The following ZWILCH variants were observed in gnomAD, a reference collection of about 807,000 sequenced individuals.
ZWILCH encodes protein zwilch homolog.
Under a neutral mutation model 79.9 loss-of-function variants are expected in ZWILCH, and 74 were observed. That is an observed-to-expected ratio of 0.93 (90% confidence interval 0.77 to 1.12). The LOEUF (loss-of-function observed/expected upper bound fraction) is 1.12. Among genes scored for constraint, ZWILCH ranks in the 50% most tolerant of loss-of-function variants. The pLI is 0.00. For missense variants in ZWILCH, 694 were observed against 687.5 expected, an observed-to-expected ratio of 1.01 and a Z score of -0.11; for synonymous variants, 241 against 228.2, an observed-to-expected ratio of 1.06 and a Z score of -0.51.
intron 7 of ZWILCH, among the ~76,000 whole-genome samples, chr15:66,522,721 A>T (rs1207371411): frequency 6.6e-6 from 1 of 152,244 alleles, no homozygotes; most frequent in Non-Finnish European, 1.5e-5. Context: ...GAAAAAGTAT[A>T]AATTATTTAT....
intron 14 of ZWILCH, among the ~76,000 whole-genome samples, chr15:66,535,370 T>G (rs1894979533): frequency 6.6e-6 from 1 of 152,198 alleles, no homozygotes; most frequent in Admixed American, 6.5e-5. Context: ...TTCAGTTCTA[T>G]TGTGATCTTA....
At chr15:66,512,916 C>T (rs1316221290) in intron 2 of ZWILCH, among the ~76,000 whole-genome samples, 5 of 152,222 alleles carry the variant, frequency 3.3e-5, no homozygotes, top group African/African-American at 9.6e-5. Flanking sequence ...GCCCCAGCCT[C>T]CTGAGTAGCT....
rs1435257961 is a variant in ZWILCH, at chr15:66,532,311, A to T, written c.1220A>T (p.Asp407Val). ...LIHQSYHGTM[D>V]TVSLSGTIPV... ...CATCAGTCTTATCATGGAACCATGG[A>T]CACAGTTTCTCTCAGTGGGACTATT... The change falls in exon 13 of 19, where the codon GAC (aspartate) becomes GTC (valine). Residue 407 changes from aspartate (D) to valine (V), a missense_variant. Asp to Val is a radical substitution (Grantham distance 152). Transcript: ENST00000307897. 1.9e-6 allele frequency: 3 copies of T among 1,612,618 alleles called. No individual in the cohort carries two copies. Among genetic ancestry groups the T allele is most frequent in the Non-Finnish European group, 2.5e-6 (3 of 1,179,422 alleles).
intron 17 of ZWILCH, among the ~76,000 whole-genome samples, chr15:66,543,395 G>T (rs1895255227): frequency 6.6e-6 from 1 of 152,186 alleles, no homozygotes; most frequent in Admixed American, 6.5e-5. Context: ...ATGTGGAATG[G>T]TGATTGCAGA....
intron 16 of ZWILCH, among the ~76,000 whole-genome samples, chr15:66,539,712 C>G (rs1029344999): frequency 6.6e-6 from 1 of 152,166 alleles, no homozygotes; most frequent in Admixed American, 6.5e-5. Flanking sequence ...TCTTAACCCT[C>G]GGTGCATACT....
Position 66,548,737 on chromosome 15 carries a change from T to C in ZWILCH, c.*413T>C. On this transcript the variant is annotated 3_prime_UTR_variant, in exon 19 of 19. Coordinates refer to ENST00000307897, the MANE Select transcript of ZWILCH (RefSeq NM_017975.5). ...CATCCTCAAATTTTCTGATTCTTATTTGCCATGAAATAGAACTTAGTAAAT... is the reference window on the plus strand; with the variant it reads ...CATCCTCAAATTTTCTGATTCTTATCTGCCATGAAATAGAACTTAGTAAAT... The C allele has an allele frequency of 3.9e-6, 2 of 507,944 alleles. No individual in the cohort carries two copies. The highest frequency in any genetic ancestry group is 3.6e-6 in the Non-Finnish European group (1 of 280,094). 31.5% of individuals were successfully genotyped at this position (507,944 alleles called of 1,614,324 possible). A position where few individuals can be genotyped will look rare whatever the true frequency, so the allele number is the denominator to read the frequency against.
intron 16 of ZWILCH, among the ~76,000 whole-genome samples, chr15:66,539,833 C>G (rs996686208): frequency 1.3e-5 from 2 of 152,132 alleles, no homozygotes; most frequent in African/African-American, 4.8e-5. Flanking sequence ...TCTGCTATCC[C>G]CAATCCGAGT....
intron 13 of ZWILCH, 81 bp from the exon 14 acceptor site, chr15:66,532,904 T>C (rs1330435979): frequency 1.0e-6 from 1 of 958,684 alleles, no homozygotes; most frequent in Admixed American, 3.5e-5. Flanking sequence ...AGAATTTAAA[T>C]AGAAATTTAA....
Position 66,505,369 on chromosome 15 carries a change from G to A in ZWILCH, c.31G>A (p.Asp11Asn), listed in dbSNP as rs1480435947. Residue 11 changes from aspartate to asparagine, a missense_variant, in exon 1 of 19, where the codon GAC becomes AAC. By Grantham distance (23) the Asp-to-Asn change is conservative. Coordinates refer to ENST00000307897, the MANE Select transcript of ZWILCH (RefSeq NM_017975.5). ...GGAGCGGCTGAACTGCGCAGCAGAG[G>A]ACTTTTATTCTCGTCTCCTTCAGTG... The part of the protein sequence containing the change: MWERLNCAAE[D>N]FYSRLLQKFN... The A allele has an allele frequency of 1.9e-6, 3 of 1,614,014 alleles. No individual in the cohort carries two copies. Among genetic ancestry groups the A allele is most frequent in the African/African-American group, 1.3e-5 (1 of 74,944 alleles).
chr15:66,521,202 T>C lies in ZWILCH; in HGVS notation c.744T>C (p.Thr248=), dbSNP rs753956809. 5 of 1,610,422 alleles carry C rather than the reference T, an allele frequency of 3.1e-6. No homozygotes were observed. The South Asian group carries it at 5.5e-5, about 18-fold the overall frequency. The change falls in exon 7 of 19, where the codon ACT becomes ACC. Residue 248 remains threonine, a synonymous_variant. Transcript: ENST00000307897. ...TCCCTCCACTCTCTTCAACTGCAAC[T>C]CTGGTAAGAGTGGGCCCTATTTCCT... ...LQIPPLSSTA[T]LNIKVESGEP...
Position 66,540,116 on chromosome 15 carries a change from G to A in ZWILCH, c.1593G>A (p.Trp531Ter), listed in dbSNP as rs1294300632. Reference protein sequence around the residue: ...NLYQSEKPQKWRVEIYSGQKK... With the variant: ...NLYQSEKPQK Reference sequence around the variant, plus strand: ...TCCTTAGTGAGAAGCCACAGAAATGGAGAGTGGAAATATATAGTGGTCAAA... The same window carrying A: ...TCCTTAGTGAGAAGCCACAGAAATGAAGAGTGGAAATATATAGTGGTCAAA... Residue 531 changes from tryptophan to a stop codon, truncating the protein, a stop_gained, in exon 17 of 19, where the codon TGG becomes TGA. Coordinates refer to ENST00000307897, the MANE Select transcript of ZWILCH (RefSeq NM_017975.5). LOFTEE classifies it high-confidence loss of function. 1.9e-6 allele frequency: 3 copies of A among 1,610,900 alleles called. No homozygotes were observed. Among genetic ancestry groups the A allele is most frequent in the South Asian group, 2.2e-5 (2 of 90,760 alleles).
intron 2 of ZWILCH, among the ~76,000 whole-genome samples, chr15:66,512,572 T>C (rs1207782311): frequency 6.6e-6 from 1 of 151,974 alleles, no homozygotes; most frequent in Admixed American, 6.6e-5. Context: ...AACAGAGTTA[T>C]ATGCTTGGAA....
At chr15:66,506,984 G>A (rs1048705801) in intron 1 of ZWILCH, among the ~76,000 whole-genome samples, 1 of 151,760 alleles carries the variant, frequency 6.6e-6, no homozygotes, top group African/African-American at 2.4e-5. Context: ...AGCCTCCCGA[G>A]TAGCTGGGAC....
chr15:66,516,496 A>C (rs571832411), intron 4 of ZWILCH, among the ~76,000 whole-genome samples: 4 of 151,986 alleles, frequency 2.6e-5, no homozygotes, highest in African/African-American at 7.2e-5. Flanking sequence ...GCTCTATAGA[A>C]GTTTTTTTTT....
intron 1 of ZWILCH, chr15:66,505,655 G>A (rs1893785486): frequency 2.0e-6 from 1 of 505,408 alleles, no homozygotes; most frequent in Non-Finnish European, 3.5e-6. Flanking sequence ...TATTCTTTCT[G>A]CTGATGGACA....
chr15:66,528,855 T>G lies in ZWILCH; in HGVS notation c.973T>G (p.Leu325Val). The G allele has an allele frequency of 6.2e-7, 1 of 1,613,672 alleles. No individual in the cohort carries two copies. The highest frequency in any genetic ancestry group is 8.5e-7 in the Non-Finnish European group (1 of 1,179,676). The part of the protein sequence containing the change: ...STKKDTEVET[L>V]KHDTAAVDRS... ...CTGAAGGTTGCTTCTTTTTCAGACCTTGAAGCATGACACTGCTGCAGTCGA... is the reference window on the plus strand; with the variant it reads ...CTGAAGGTTGCTTCTTTTTCAGACCGTGAAGCATGACACTGCTGCAGTCGA... Residue 325 changes from leucine to valine, a missense_variant, in exon 11 of 19, where the codon TTG (leucine) becomes GTG (valine). Physicochemically the swap from Leu to Val is conservative, Grantham distance 32 (BLOSUM62 1). Coordinates refer to ENST00000307897, the MANE Select transcript of ZWILCH (RefSeq NM_017975.5).
intron 17 of ZWILCH, among the ~76,000 whole-genome samples, chr15:66,541,013 C>G (rs113571757): frequency 6.6e-6 from 1 of 150,562 alleles, no homozygotes; most frequent in Non-Finnish European, 1.5e-5. Flanking sequence ...CCCGGTGGTT[C>G]GAGCCTGTAA....
intron 8 of ZWILCH, among the ~76,000 whole-genome samples, chr15:66,525,267 A>G (rs530679173): frequency 6.6e-6 from 1 of 152,314 alleles, no homozygotes; most frequent in East Asian, 1.9e-4. Context: ...TGGCTGGTTC[A>G]GTTATTTTGC....
intron 2 of ZWILCH, among the ~76,000 whole-genome samples, chr15:66,509,603 A>C (rs1191806548): frequency 6.6e-6 from 1 of 151,938 alleles, no homozygotes; most frequent in Non-Finnish European, 1.5e-5. Flanking sequence ...GTTTTTGATG[A>C]TTATGAGAGC....
Sources: allele counts gnomAD v4.1 joint callset (sites outside exome capture counted in the v4.1 genomes callset), GRCh38; gene constraint gnomAD v4.1.1; transcripts MANE v1.5; gene names NCBI Gene and HGNC (gene_info 2026-07-23, HGNC 2026-07-21).